The following MAPK4 variants were observed in gnomAD, a reference collection of about 807,000 sequenced individuals.
MAPK4 encodes the protein mitogen-activated protein kinase 4.
A neutral mutation model predicts 47.7 loss-of-function variants in MAPK4; 22 were observed. That is an observed-to-expected ratio of 0.46 (90% CI 0.33 to 0.66). The LOEUF is 0.66. Ranked by LOEUF, MAPK4 falls within the 30% of genes least tolerant of loss-of-function variation. MAPK4 has a pLI of 0.02. For synonymous variants in MAPK4, 390 were observed against 365.7 expected (o/e 1.07, Z -0.76); for missense variants, 736 against 831.7 (o/e 0.88, Z 1.42).
intron 1 of MAPK4, among the ~76,000 whole-genome samples, chr18:50,596,409 T>G (rs540776770): frequency 6.6e-6 from 1 of 152,328 alleles, no homozygotes; most frequent in East Asian, 1.9e-4. Context: ...TACAATAGCA[T>G]GAGCCTAGGT....
intron 1 of MAPK4, among the ~76,000 whole-genome samples, chr18:50,615,551 C>T (rs558499911): frequency 4.6e-5 from 7 of 152,280 alleles, no homozygotes; most frequent in African/African-American, 1.7e-4. Flanking sequence ...TGCAGCTGCG[C>T]ACATCAATTC....
At chr18:50,634,889 C>T (rs927281767) in intron 1 of MAPK4, among the ~76,000 whole-genome samples, 6 of 152,168 alleles carry the variant, frequency 3.9e-5, no homozygotes, top group Non-Finnish European at 7.3e-5. Context: ...TTACACACTC[C>T]AGAGCAGTGG....
intron 1 of MAPK4, among the ~76,000 whole-genome samples, chr18:50,616,531 G>A (rs1460107541): frequency 1.3e-5 from 2 of 152,158 alleles, no homozygotes; most frequent in African/African-American, 2.4e-5. Context: ...TGACTCACAC[G>A]ATCACAAGGT....
At chr18:50,722,513 C>T (rs1910987567) in intron 4 of MAPK4, among the ~76,000 whole-genome samples, 1 of 152,196 alleles carries the variant, frequency 6.6e-6, no homozygotes, top group African/African-American at 2.4e-5. Context: ...GACCGCCCTT[C>T]ACTCCTCAGG....
intron 2 of MAPK4, among the ~76,000 whole-genome samples, chr18:50,693,421 G>A (rs1422780310): frequency 6.6e-6 from 1 of 152,126 alleles, no homozygotes; most frequent in African/African-American, 2.4e-5. Context: ...ACACCAAGCA[G>A]AGAGCAGTGA....
intron 2 of MAPK4, chr18:50,705,743 T>TG (rs1422320695): frequency 6.6e-6 from 1 of 152,228 alleles, no homozygotes; most frequent in African/African-American, 2.4e-5. Flanking sequence ...CATGGCCACG[T>TG]GGCTCGCCCC....
chr18:50,724,591 G>A (rs916194371), intron 4 of MAPK4, among the ~76,000 whole-genome samples: 2 of 152,200 alleles, frequency 1.3e-5, no homozygotes, highest in African/African-American at 2.4e-5. Flanking sequence ...CCAGAAACAC[G>A]CTCTGAGCAT....
Position 50,697,369 on chromosome 18 carries a change from C to G in MAPK4, c.547-17710C>G, listed in dbSNP as rs576691256. Among the ~76,000 whole-genome samples the G allele has an allele frequency of 1.2e-3, 183 of 152,306 alleles. 1 individual carries two copies. Among genetic ancestry groups the G allele is most frequent in the Non-Finnish European group, 2.2e-3 (149 of 68,028 alleles). ...TGCTTGGTTCACTGCTCTGTCCCAG[C>G]ACCCAGAAAAGTACCTGGAGCAGAG... On this transcript the variant is annotated intron_variant, in intron 2 of 5. Coordinates refer to ENST00000400384, the MANE Select transcript of MAPK4 (RefSeq NM_002747.4).
intron 2 of MAPK4, among the ~76,000 whole-genome samples, chr18:50,702,056 A>G (rs1421561183): frequency 6.6e-6 from 1 of 151,136 alleles, no homozygotes; most frequent in Non-Finnish European, 1.5e-5. Context: ...CAGCTACCAG[A>G]AAGGCTGAGG....
intron 2 of MAPK4, among the ~76,000 whole-genome samples, chr18:50,703,680 C>T (rs1490987612): frequency 6.6e-6 from 1 of 152,126 alleles, no homozygotes; most frequent in Non-Finnish European, 1.5e-5. Flanking sequence ...CCCCATGATG[C>T]ACTTAGAAAA....
intron 1 of MAPK4, among the ~76,000 whole-genome samples, chr18:50,646,777 A>G (rs1261868102): frequency 6.6e-6 from 1 of 152,050 alleles, no homozygotes; most frequent in Non-Finnish European, 1.5e-5. Flanking sequence ...AGCAGAATCT[A>G]TCTCTCTAGC....
chr18:50,618,777 C>T (rs1005362151), intron 1 of MAPK4, among the ~76,000 whole-genome samples: 1 of 152,040 alleles, frequency 6.6e-6, no homozygotes, highest in Non-Finnish European at 1.5e-5. Flanking sequence ...TTGGTAAAAG[C>T]GTGACCATTA....
intron 1 of MAPK4, among the ~76,000 whole-genome samples, chr18:50,579,460 C>T (rs1304342213): frequency 1.3e-5 from 2 of 152,186 alleles, no homozygotes; most frequent in African/African-American, 4.8e-5. Context: ...AAAAATGCAA[C>T]CACTTGAGAG....
At chr18:50,661,802 C>G (rs2043174973) in intron 1 of MAPK4, among the ~76,000 whole-genome samples, 1 of 152,186 alleles carries the variant, frequency 6.6e-6, no homozygotes, top group South Asian at 2.1e-4. Flanking sequence ...TGTTTTGTTC[C>G]TGGACCCAGT....
intron 3 of MAPK4, among the ~76,000 whole-genome samples, chr18:50,719,812 C>G (rs1303209003): frequency 6.6e-6 from 1 of 152,218 alleles, no homozygotes; most frequent in Admixed American, 6.5e-5. Context: ...TCTTCAGGCT[C>G]ACTGTCTGTG....
intron 2 of MAPK4, among the ~76,000 whole-genome samples, chr18:50,689,928 A>G (rs991967636): frequency 2.0e-5 from 3 of 152,192 alleles, no homozygotes; most frequent in Non-Finnish European, 4.4e-5. Context: ...GCAACCTCTT[A>G]TTGTAAATGG....
intron 1 of MAPK4, among the ~76,000 whole-genome samples, chr18:50,578,237 G>T (rs1037144886): frequency 1.3e-5 from 2 of 152,228 alleles, no homozygotes; most frequent in South Asian, 4.1e-4. Context: ...GAAGTGGCCA[G>T]AGAGTTCATT....
intron 2 of MAPK4, among the ~76,000 whole-genome samples, chr18:50,689,350 GA>G (rs142811386): frequency 0.017 from 2,484 of 148,762 alleles, 64 homozygotes; most frequent in African/African-American, 0.059. Flanking sequence ...GCAATGATCC[GA>G]GATTGCGCCA....
chr18:50,608,274 G>T (rs1177009050), intron 1 of MAPK4, among the ~76,000 whole-genome samples: 1 of 152,150 alleles, frequency 6.6e-6, no homozygotes, highest in Non-Finnish European at 1.5e-5. Flanking sequence ...ACATTTTATT[G>T]TAGGTCACTG....
Sources: allele counts gnomAD v4.1 joint callset (sites outside exome capture counted in the v4.1 genomes callset), GRCh38; gene constraint gnomAD v4.1.1; transcripts MANE v1.5; gene names NCBI Gene and HGNC (gene_info 2026-07-23, HGNC 2026-07-21).